The following PPP1R13B variants were observed in gnomAD, a reference collection of about 807,000 sequenced individuals.
PPP1R13B encodes the protein apoptosis-stimulating of p53 protein 1.
PPP1R13B carries 44 observed loss-of-function variants against 119.8 expected under a neutral mutation model. That is an observed-to-expected ratio of 0.37 (90% CI 0.29 to 0.47). The LOEUF (loss-of-function observed/expected upper bound fraction) is 0.47. Ranked by LOEUF, PPP1R13B falls within the 20% of genes least tolerant of loss-of-function variation. PPP1R13B has a pLI of 0.99. For synonymous variants in PPP1R13B, 542 were observed against 561.5 expected, an observed-to-expected ratio of 0.97 and a Z score of 0.49; for missense variants, 1,227 against 1,413.5, an observed-to-expected ratio of 0.87 and a Z score of 2.12.
chr14:103,801,250 C>T (rs1205555119), intron 1 of PPP1R13B, among the ~76,000 whole-genome samples: 2 of 152,276 alleles, frequency 1.3e-5, no homozygotes, highest in East Asian at 3.9e-4. Flanking sequence ...AACACCTTCG[C>T]TGGTATATAA....
chr14:103,803,692 G>A (rs1171394605), intron 1 of PPP1R13B, among the ~76,000 whole-genome samples: 2 of 152,088 alleles, frequency 1.3e-5, no homozygotes, highest in Non-Finnish European at 2.9e-5. Context: ...ATAAATAAAA[G>A]ATTTGGTTAG....
chr14:103,831,419 C>T (rs1474299748), intron 1 of PPP1R13B, among the ~76,000 whole-genome samples: 1 of 150,126 alleles, frequency 6.7e-6, no homozygotes, highest in Non-Finnish European at 1.5e-5. Flanking sequence ...AAGTGATTCT[C>T]GTATCTCAGC....
intron 1 of PPP1R13B, among the ~76,000 whole-genome samples, chr14:103,809,173 C>A (rs1189410160): frequency 1.3e-5 from 2 of 152,104 alleles, no homozygotes; most frequent in African/African-American, 4.8e-5. Flanking sequence ...ATTTAAATAT[C>A]TGAGTAGCAT....
rs546125217 is a variant in PPP1R13B at position 103,754,269 on chromosome 14, C to G, written c.457-25G>C. 12 of 1,595,766 alleles carry G rather than the reference C, an allele frequency of 7.5e-6. No individual in the cohort carries two copies. The South Asian group carries it at 1.1e-4, about 15-fold the overall frequency. ...CCTAACAAAAGAAAGAAAAATGTAA[C>G]TTTGAAAATTGAAGGCTGGGCGCGG... On this transcript the variant is annotated intron_variant, in intron 5 of 16. Transcript: ENST00000202556.
intron 1 of PPP1R13B, among the ~76,000 whole-genome samples, chr14:103,800,061 T>G (rs1238215444): frequency 6.6e-6 from 1 of 151,334 alleles, no homozygotes; most frequent in Non-Finnish European, 1.5e-5. Context: ...CAAAAATAAA[T>G]AAATAAATAA....
At chr14:103,745,419 G>A (rs1484081575) in intron 9 of PPP1R13B, among the ~76,000 whole-genome samples, 3 of 152,242 alleles carry the variant, frequency 2.0e-5, no homozygotes, top group Non-Finnish European at 4.4e-5. Flanking sequence ...AATACATCAG[G>A]ACAGGGATTC....
rs1555431050 is a variant in PPP1R13B at position 103,733,651 on chromosome 14, C to CTATT, written c.*1499_*1502dup. The CTATT allele has an allele frequency of 1.3e-5, 2 of 152,682 alleles. No individual in the cohort carries two copies. The highest frequency in any genetic ancestry group is 4.8e-5 in the African/African-American group (2 of 41,458). The allele number at this position is 152,682 out of a possible 1,614,324, so 9.5% of individuals were successfully genotyped here. ...TGTATATAAAGCTTATGATTAAAAA[C>CTATT]TATTTTGAACATACGGACAAGGCCT... On this transcript the variant is annotated 3_prime_UTR_variant, in exon 17 of 17. Transcript: ENST00000202556.
At chr14:103,762,590 A>G (rs982138039) in intron 4 of PPP1R13B, among the ~76,000 whole-genome samples, 11 of 136,062 alleles carry the variant, frequency 8.1e-5, no homozygotes, top group African/African-American at 2.6e-4. Context: ...CTAAAACTTA[A>G]AGTATTAAAA....
chr14:103,808,086 CAAAA>C (rs1006931858), intron 1 of PPP1R13B, among the ~76,000 whole-genome samples: 2 of 150,256 alleles, frequency 1.3e-5, no homozygotes, highest in Non-Finnish European at 3.0e-5. Flanking sequence ...ACTAAAAATA[CAAAA>C]AAAAATTAGC....
chr14:103,838,402 C>T (rs918302957), intron 1 of PPP1R13B, among the ~76,000 whole-genome samples: 1 of 152,198 alleles, frequency 6.6e-6, no homozygotes, highest in Non-Finnish European at 1.5e-5. Flanking sequence ...TCATGAAGCT[C>T]ACAGTCTAGG....
intron 1 of PPP1R13B, among the ~76,000 whole-genome samples, chr14:103,807,716 G>A (rs76485335): frequency 0.013 from 1,953 of 152,020 alleles, 110 homozygotes; most frequent in Admixed American, 0.11. Context: ...GGATGGTCTC[G>A]ATCTCCTGAC....
rs1048880000 is a variant in PPP1R13B at position 103,820,082 on chromosome 14, A to G, written c.10-22564T>C. 5.9e-5 allele frequency among the ~76,000 whole-genome samples: 9 copies of G among 152,144 alleles called. No individual in the cohort carries two copies. In the East Asian group the frequency reaches 1.3e-3, roughly 23 times the overall value. ...CAACGGGTACAGAGAGCTTAAAACA[A>G]AAACAAGGGGGAGGGGCAGGGGAAA... On this transcript the variant is annotated intron_variant, in intron 1 of 16. Transcript: ENST00000202556.
intron 4 of PPP1R13B, among the ~76,000 whole-genome samples, chr14:103,764,730 G>A (rs1161915940): frequency 1.3e-5 from 2 of 151,040 alleles, no homozygotes; most frequent in Admixed American, 1.3e-4. Flanking sequence ...TTCCTTTTTC[G>A]GTCTGCAGTG....
intron 2 of PPP1R13B, among the ~76,000 whole-genome samples, chr14:103,789,409 T>C (rs1595775575): frequency 6.7e-6 from 1 of 149,574 alleles, no homozygotes; most frequent in South Asian, 2.1e-4. Context: ...AGAGATGGGG[T>C]TTCACCACGT....
chr14:103,795,824 T>C (rs1349076472), intron 2 of PPP1R13B, among the ~76,000 whole-genome samples: 1 of 152,218 alleles, frequency 6.6e-6, no homozygotes, highest in East Asian at 1.9e-4. Context: ...CCAATGTTTA[T>C]CAAAGTCAAG....
Position 103,738,447 on chromosome 14 carries a change from G to A in PPP1R13B, c.2864+232C>T, listed in dbSNP as rs191495261. ...ATGCTTAGACTGCAATGTTAATGAC[G>A]AGGCACAGAAAGAGCATAACCACAG... On this transcript the variant is annotated intron_variant, in intron 14 of 16. Transcript: ENST00000202556. This position sits in a 1 kb window ranked among gnomAD's most constrained non-coding sequence, Gnocchi z 5.6. 3.1e-5 allele frequency: 18 copies of A among 587,938 alleles called. No homozygotes were observed. The highest frequency in any genetic ancestry group is 1.8e-4 in the Admixed American group (6 of 32,508). 36.4% of individuals were successfully genotyped at this position (587,938 alleles called of 1,614,324 possible).
intron 2 of PPP1R13B, chr14:103,794,767 C>T (rs2085717986): frequency 3.5e-6 from 1 of 286,968 alleles, no homozygotes; most frequent in African/African-American, 2.3e-5. Context: ...CTGGAAGTTA[C>T]CTTCTCTTCT....
At chr14:103,755,378 ACAAT>A (rs1342554706) in intron 5 of PPP1R13B, among the ~76,000 whole-genome samples, 1 of 152,258 alleles carries the variant, frequency 6.6e-6, no homozygotes, top group Non-Finnish European at 1.5e-5. Flanking sequence ...GTGATACTGA[ACAAT>A]CAAGGAAGTG....
upstream of PPP1R13B, chr14:103,847,789 G>A (rs1595859291): frequency 3.9e-6 from 1 of 256,944 alleles, no homozygotes; most frequent in Non-Finnish European, 6.1e-6. Context: ...GGGCGGACGC[G>A]CAGTGGGCAC....
Sources: allele counts gnomAD v4.1 joint callset (sites outside exome capture counted in the v4.1 genomes callset), GRCh38; gene constraint gnomAD v4.1.1; non-coding constraint Gnocchi (gnomAD v3.1); transcripts MANE v1.5; gene names NCBI Gene and HGNC (gene_info 2026-07-23, HGNC 2026-07-21).